FLOT2: variants seen among roughly 807,000 people sequenced by gnomAD.
FLOT2 encodes the protein flotillin 2.
FLOT2 carries 35 observed loss-of-function variants against 54.9 expected under a neutral mutation model. The ratio of observed to expected loss-of-function variants is 0.64; its 90% CI spans 0.49 to 0.84. The LOEUF is 0.84. FLOT2 is among the 40% of genes least tolerant of loss of function. The pLI, the probability that FLOT2 is intolerant of heterozygous loss-of-function variation, is 0.00. For missense variants in FLOT2, 464 were observed against 572.1 expected (o/e 0.81, Z 1.93); for synonymous variants, 207 against 228.9 (o/e 0.90, Z 0.86).
Position 28,882,179 on chromosome 17 carries a change from G to C in FLOT2, c.638C>G (p.Ala213Gly). The change falls in exon 7 of 11, where the codon GCT becomes GGT. Residue 213 changes from alanine to glycine, a missense_variant. By Grantham distance (60) the Ala-to-Gly change is moderately conservative. Transcript: ENST00000394908. This position sits in a 1 kb window ranked among gnomAD's most constrained non-coding sequence, Gnocchi z 5.6. Reference protein sequence around the residue: ...DVKFMADTKIADSKRAFELQK... With the variant: ...DVKFMADTKIGDSKRAFELQK... The stretch of plus-strand genomic sequence containing the variant: ...CAGCTCGAAGGCTCGCTTAGAGTCA[G>C]CAATCTTGGTGTCTGCCATGAACTT... 3 of 1,614,198 alleles carry C rather than the reference G, an allele frequency of 1.9e-6. No homozygotes were observed. Among genetic ancestry groups the C allele is most frequent in the Non-Finnish European group, 2.5e-6 (3 of 1,180,042 alleles).
intron 1 of FLOT2, among the ~76,000 whole-genome samples, chr17:28,889,890 A>G (rs990023321): frequency 6.6e-6 from 1 of 152,064 alleles, no homozygotes; most frequent in Non-Finnish European, 1.5e-5. Flanking sequence ...CACCTGCCTC[A>G]GCCTCCCAAA....
In FLOT2 at chr17:28,880,237, A is replaced by T; in HGVS notation, c.*324T>A. On this transcript the variant is annotated 3_prime_UTR_variant, in exon 11 of 11. Coordinates refer to ENST00000394908, the MANE Select transcript of FLOT2 (RefSeq NM_004475.3). ...AGCAGCAGGGCCACCCCCCACAGAG[A>T]GTGATTGTAATAAACATCTTCAGCT... 8.3e-7 allele frequency: 1 copy of T among 1,202,114 alleles called. No homozygotes were observed. The allele number at this position is 1,202,114 out of a possible 1,614,324, so 74.5% of individuals were successfully genotyped here. A position where few individuals can be genotyped will look rare whatever the true frequency, so the allele number is the denominator to read the frequency against.
In FLOT2 at chr17:28,879,881, CT is replaced by C. The variant is rs1348400530; in HGVS notation, c.*679del. 1.0e-6 allele frequency: 1 copy of C among 985,926 alleles called. No individual in the cohort carries two copies. 61.1% of individuals were successfully genotyped at this position (985,926 alleles called of 1,614,324 possible). ...AGGGGCCTCCTAAGGCAGTAGGAAA[CT>C]GAGGAAGCTGCTGTAGACAGGAGGC... On this transcript the variant is annotated 3_prime_UTR_variant, in exon 11 of 11. Transcript: ENST00000394908.
chr17:28,882,535 A>T lies in FLOT2; in HGVS notation c.465+38T>A. 1 of 1,582,366 alleles carries T rather than the reference A, an allele frequency of 6.3e-7. No homozygotes were observed. Among genetic ancestry groups the T allele is most frequent in the South Asian group, 1.1e-5 (1 of 90,482 alleles). On this transcript the variant is annotated intron_variant, in intron 5 of 10. Coordinates refer to ENST00000394908, the MANE Select transcript of FLOT2 (RefSeq NM_004475.3). This position sits in a 1 kb window ranked among gnomAD's most constrained non-coding sequence, Gnocchi z 5.6. ...CTCTAACAAAGCCACCATCTCCCAG[A>T]TGGACGCCAGGAGATACAGCTTCCC...
rs761988632 is a variant in FLOT2, at chr17:28,883,904, G to A, written c.222+321C>T. 6.6e-6 allele frequency among the ~76,000 whole-genome samples: 1 copy of A among 152,018 alleles called. No homozygotes were observed. The highest frequency in any genetic ancestry group is 1.5e-5 in the Non-Finnish European group (1 of 68,014). ...AGTACCCAGGGAACAAGGAAGGCCTGGATTCTGGGGCTTGACATTTCCAAC... is the reference window on the plus strand; with the variant it reads ...AGTACCCAGGGAACAAGGAAGGCCTAGATTCTGGGGCTTGACATTTCCAAC... On this transcript the variant is annotated intron_variant, in intron 3 of 10. Coordinates refer to ENST00000394908, the MANE Select transcript of FLOT2 (RefSeq NM_004475.3). This position sits in a 1 kb window ranked among gnomAD's most constrained non-coding sequence, Gnocchi z 5.0.
At chr17:28,885,786 C>T in intron 2 of FLOT2, 3 of 1,035,258 alleles carry the variant, frequency 2.9e-6, no homozygotes, top group Non-Finnish European at 4.4e-6. Flanking sequence ...CCATCGGCTC[C>T]TGTCTGCCAG....
intron 1 of FLOT2, among the ~76,000 whole-genome samples, chr17:28,894,794 T>C (rs2039715342): frequency 1.3e-5 from 2 of 149,150 alleles, no homozygotes; most frequent in South Asian, 4.2e-4. Flanking sequence ...AAGACTGTAT[T>C]TAAAAAAAAA....
chr17:28,886,045 T>G, intron 2 of FLOT2: 26 of 522,358 alleles, frequency 5.0e-5, no homozygotes, highest in Middle Eastern at 4.5e-4. Flanking sequence ...CACCGATGCC[T>G]GACGCCTGGG....
At chr17:28,885,607 C>G (rs769585644) in intron 2 of FLOT2, 211 of 717,400 alleles carry the variant, frequency 2.9e-4, no homozygotes, top group Middle Eastern at 4.6e-4. Context: ...TCCAGGGACA[C>G]TCACTGGCAG....
In FLOT2 at chr17:28,879,488, A is replaced by G; in HGVS notation, c.*1073T>C. On this transcript the variant is annotated 3_prime_UTR_variant, in exon 11 of 11. Transcript: ENST00000394908. ...GGGTGGGGAGCTGGGACCACTGGAC[A>G]TTCACAGCACCCCTGCCAAGACGCT... 1.0e-6 allele frequency: 1 copy of G among 986,786 alleles called. No homozygotes were observed. The highest frequency in any genetic ancestry group is 1.2e-6 in the Non-Finnish European group (1 of 830,222). The allele number at this position is 986,786 out of a possible 1,614,324, so 61.1% of individuals were successfully genotyped here.
chr17:28,881,231 A>G lies in FLOT2; in HGVS notation c.1059T>C (p.Asp353=). Residue 353 remains aspartate, a synonymous_variant, in exon 9 of 11, where the codon GAT becomes GAC. Transcript: ENST00000394908. ...CTAGCACCAAGGCCATCTTGGCTGC[A>G]TCCCCGTATTTCTGGTAGGCTTCTG... ...LKAEAYQKYG[D]AAKMALVLEA... 1 of 1,614,220 alleles carries G rather than the reference A, an allele frequency of 6.2e-7. No individual in the cohort carries two copies. Among genetic ancestry groups the G allele is most frequent in the South Asian group, 1.1e-5 (1 of 91,088 alleles).
intron 2 of FLOT2, chr17:28,886,018 A>T: frequency 4.0e-6 from 3 of 746,628 alleles, no homozygotes; most frequent in Non-Finnish European, 6.6e-6. Flanking sequence ...AAACACACAC[A>T]GTAGTTACCA....
In FLOT2 at chr17:28,880,565, A is replaced by C. The variant is rs372414269; in HGVS notation, c.1283T>G (p.Val428Gly). The stretch of plus-strand genomic sequence containing the variant: ...GAGAGTGGGCCTGCAGGAGCCTCAC[A>C]CCTGCACACCAGTGGCCTTCTTGAT... ...PLIKKATGVQ[V>G] Residue 428 changes from valine (V) to glycine (G), a missense_variant, in exon 11 of 11, where the codon GTG becomes GGG. By Grantham distance (109) the Val-to-Gly change is moderately radical (BLOSUM62 -3). Transcript: ENST00000394908. 1.6e-5 allele frequency: 26 copies of C among 1,613,808 alleles called. No individual in the cohort carries two copies. The highest frequency in any genetic ancestry group is 2.2e-5 in the Non-Finnish European group (26 of 1,179,922).
At chr17:28,890,107 C>T (rs1384167069) in intron 1 of FLOT2, among the ~76,000 whole-genome samples, 1 of 152,226 alleles carries the variant, frequency 6.6e-6, no homozygotes, top group Non-Finnish European at 1.5e-5. Context: ...TTCTGCCTGG[C>T]AGACACATCT....
At position 28,887,942 on chromosome 17, in the gene FLOT2, TC is replaced by T. The variant is rs984510020; in HGVS notation, c.131+1002del. 3.9e-5 allele frequency among the ~76,000 whole-genome samples: 6 copies of T among 152,044 alleles called. No individual in the cohort carries two copies. In the East Asian group the frequency reaches 1.2e-3, roughly 29 times the overall value. ...TAATCCATTGTGCCATGCTTCCCAT[TC>T]CCCCCGACCCTAGCAGATGCCCTCA... On this transcript the variant is annotated intron_variant, in intron 2 of 10. Transcript: ENST00000394908.
rs963407009 is a variant in FLOT2, at chr17:28,889,390, C to T, written c.50-364G>A. On this transcript the variant is annotated intron_variant, in intron 1 of 10. Transcript: ENST00000394908. ...TGTTGCCCAGGCTAGACTACAGTGG[C>T]GCAGTCTCGGCTCACTGCAACCTCT... Among the ~76,000 whole-genome samples, 34 of 151,650 alleles carry T rather than the reference C, an allele frequency of 2.2e-4. No individual in the cohort carries two copies. In the East Asian group the frequency reaches 2.3e-3, roughly 10 times the overall value.
intron 1 of FLOT2, among the ~76,000 whole-genome samples, chr17:28,890,064 A>AGT (rs2039620584): frequency 6.6e-6 from 1 of 152,192 alleles, no homozygotes; most frequent in Non-Finnish European, 1.5e-5. Flanking sequence ...GAGGGAAGGA[A>AGT]GAGTCTCCCA....
chr17:28,880,898 GCTGA>G, intron 9 of FLOT2, 36 bp from the exon 10 acceptor site: 1 of 1,611,704 alleles, frequency 6.2e-7, no homozygotes, highest in Non-Finnish European at 8.5e-7. Context: ...CCTGGTTGGC[GCTGA>G]CTCTGTTCTC....
rs1005211141 is a variant in FLOT2, at chr17:28,884,015, G to T, written c.222+210C>A. On this transcript the variant is annotated intron_variant, in intron 3 of 10. Coordinates refer to ENST00000394908, the MANE Select transcript of FLOT2 (RefSeq NM_004475.3). This position sits in a 1 kb window ranked among gnomAD's most constrained non-coding sequence, Gnocchi z 5.1. Reference sequence around the variant, plus strand: ...TCGTGGGCCCGCTGAGGAGAGAAGGGGTGTCTGTTAGTCCTGCTGGGTGGC... The same window carrying T: ...TCGTGGGCCCGCTGAGGAGAGAAGGTGTGTCTGTTAGTCCTGCTGGGTGGC... Among the ~76,000 whole-genome samples the T allele has an allele frequency of 6.6e-6, 1 of 152,200 alleles. No homozygotes were observed. The highest frequency in any genetic ancestry group is 1.5e-5 in the Non-Finnish European group (1 of 68,038).
Sources: allele counts gnomAD v4.1 joint callset (sites outside exome capture counted in the v4.1 genomes callset), GRCh38; gene constraint gnomAD v4.1.1; non-coding constraint Gnocchi (gnomAD v3.1); transcripts MANE v1.5; gene names NCBI Gene and HGNC (gene_info 2026-07-23, HGNC 2026-07-21).